Variants in SLC11A1 observed in about 807,000 individuals in gnomAD.
The protein encoded by SLC11A1 is natural resistance-associated macrophage protein 1.
SLC11A1 carries 59 observed loss-of-function variants against 63.2 expected under a neutral mutation model. The observed-to-expected ratio is 0.93, with a 90% confidence interval of 0.76 to 1.16. The LOEUF (loss-of-function observed/expected upper bound fraction) is 1.16, where lower values mean the gene tolerates loss of function less well. Among genes scored for constraint, SLC11A1 ranks in the 50% most tolerant of loss-of-function variants. The probability of loss-of-function intolerance (pLI) is 0.00; values close to 1 mark genes in which losing one functional copy is unlikely to be tolerated. For synonymous variants in SLC11A1, 305 were observed against 307.8 expected (o/e 0.99, Z 0.09); for missense variants, 688 against 730.7 (o/e 0.94, Z 0.67).
chr2:218,391,541 C>T (rs866698528), intron 11 of SLC11A1, 46 bp downstream of exon 11: 2 of 1,543,058 alleles, frequency 1.3e-6, no homozygotes, highest in South Asian at 1.2e-5. Context: ...CCAAGGACAG[C>T]AGGCACACTA....
intron 4 of SLC11A1, 59 bp from the exon 5 acceptor site, chr2:218,386,576 C>A: frequency 8.2e-7 from 1 of 1,216,858 alleles, no homozygotes; most frequent in Non-Finnish European, 1.2e-6. Flanking sequence ...CAAATGTAGT[C>A]TGAGACGACA....
chr2:218,394,813 G>A, intron 14 of SLC11A1, 28 bp downstream of exon 14: 1 of 1,610,184 alleles, frequency 6.2e-7, no homozygotes, highest in South Asian at 1.1e-5. Context: ...GATGCCTTGG[G>A]AATGGATGAG....
At position 218,384,149 on chromosome 2, in the gene SLC11A1, G is replaced by A; in HGVS notation, c.151-94G>A. The A allele has an allele frequency of 1.5e-6, 2 of 1,368,404 alleles. No homozygotes were observed. Among genetic ancestry groups the A allele is most frequent in the Non-Finnish European group, 2.0e-6 (2 of 1,022,384 alleles). 84.8% of individuals were successfully genotyped at this position (1,368,404 alleles called of 1,614,324 possible). On this transcript the variant is annotated intron_variant, in intron 2 of 14. Coordinates refer to ENST00000233202, the MANE Select transcript of SLC11A1 (RefSeq NM_000578.4). The surrounding 1 kb of genome is among the most constrained non-coding windows in gnomAD (Gnocchi z 4.0). ...ATGGAGGGCAGGGCTGGGCTGATGA[G>A]CCTGTTGGGGCTCCTCTAGGGGATG...
rs1465204839 is a variant in SLC11A1, at chr2:218,395,082, C to T, written c.*47C>T. The T allele has an allele frequency of 4.9e-6, 7 of 1,431,084 alleles. No homozygotes were observed. The East Asian group carries it at 1.2e-4, about 25-fold the overall frequency. The allele number at this position is 1,431,084 out of a possible 1,614,324, so 88.6% of individuals were successfully genotyped here. ...GGAGTGGCATGTATGACGTGACTGGCCTGCTGGATGTGGAGGGGGCGCGTG... is the reference window on the plus strand; with the variant it reads ...GGAGTGGCATGTATGACGTGACTGGTCTGCTGGATGTGGAGGGGGCGCGTG... On this transcript the variant is annotated 3_prime_UTR_variant, in exon 15 of 15. Coordinates refer to ENST00000233202, the MANE Select transcript of SLC11A1 (RefSeq NM_000578.4).
chr2:218,394,539 C>A, intron 13 of SLC11A1, 93 bp from the exon 14 acceptor site: 1 of 1,406,668 alleles, frequency 7.1e-7, no homozygotes, highest in Non-Finnish European at 9.8e-7. Context: ...AGTGTATCCC[C>A]ACCCCCAGTG....
At position 218,384,647 on chromosome 2, in the gene SLC11A1, C is replaced by G. The variant is rs971196894; in HGVS notation, c.273+282C>G. ...ACTCAGTCTCACTCGGTCACCCAGG[C>G]TGGAGTGCAGTGGCACAATCTCGGC... On this transcript the variant is annotated intron_variant, in intron 3 of 14. Transcript: ENST00000233202. The surrounding 1 kb of genome is among the most constrained non-coding windows in gnomAD (Gnocchi z 4.0). 1.9e-5 allele frequency: 3 copies of G among 155,414 alleles called. No homozygotes were observed. The highest frequency in any genetic ancestry group is 7.2e-5 in the African/African-American group (3 of 41,462). 9.6% of individuals were successfully genotyped at this position (155,414 alleles called of 1,614,324 possible). A position where few individuals can be genotyped will look rare whatever the true frequency, so the allele number is the denominator to read the frequency against.
rs778352764 is a variant in SLC11A1, at chr2:218,387,629, T to A, written c.636T>A (p.Tyr212Ter). The change falls in exon 7 of 15, where the codon TAT becomes TAA. Residue 212 changes from tyrosine (Y) to a stop codon, truncating the protein, a stop_gained. Transcript: ENST00000233202. LOFTEE classifies it high-confidence loss of function. ...LITIMALTFG[Y>*]EYVVARPEQG... is the part of the protein sequence containing the mutation. ...CCATTATGGCCTTGACCTTTGGCTA[T>A]GAGGTAGGAAGCCAGTGCTGCAACC... The A allele has an allele frequency of 6.2e-7, 1 of 1,614,022 alleles. No individual in the cohort carries two copies. Among genetic ancestry groups the A allele is most frequent in the African/African-American group, 1.3e-5 (1 of 74,942 alleles).
At position 218,382,304 on chromosome 2, in the gene SLC11A1, G is replaced by T; in HGVS notation, c.-65G>T. The T allele has an allele frequency of 1.3e-6, 2 of 1,596,240 alleles. No individual in the cohort carries two copies. The highest frequency in any genetic ancestry group is 1.7e-5 in the Admixed American group (1 of 58,460). On this transcript the variant is annotated 5_prime_UTR_variant, in exon 1 of 15. Coordinates refer to ENST00000233202, the MANE Select transcript of SLC11A1 (RefSeq NM_000578.4). ...ACTTGCACCAGTGCCCAGAGAGGGG[G>T]TGCAGGCTGAGGAGCTGCCCAGAGC...
At chr2:218,389,408 C>T (rs544517001) in intron 8 of SLC11A1, among the ~76,000 whole-genome samples, 15 of 151,864 alleles carry the variant, frequency 9.9e-5, no homozygotes, top group Admixed American at 7.9e-4. Flanking sequence ...TAAAAATTAG[C>T]GGGTTGTAGT....
chr2:218,391,674 G>A, intron 11 of SLC11A1, 179 bp downstream of exon 11: 2 of 793,324 alleles, frequency 2.5e-6, no homozygotes, highest in Non-Finnish European at 3.8e-6. Flanking sequence ...GCCCAGGCTG[G>A]AGTGCAGTGG....
chr2:218,394,230 C>A, intron 13 of SLC11A1, 37 bp downstream of exon 13: 1 of 1,589,684 alleles, frequency 6.3e-7, no homozygotes, highest in Non-Finnish European at 8.6e-7. Flanking sequence ...GATTGCATCA[C>A]CACATTTCAT....
intron 3 of SLC11A1, 60 bp from the exon 4 acceptor site, chr2:218,385,087 G>A: frequency 6.2e-7 from 1 of 1,605,854 alleles, no homozygotes. Flanking sequence ...GGTACCACGA[G>A]CTCAGGGGCT....
chr2:218,396,533 G>C lies in SLC11A1; in HGVS notation c.*1498G>C, dbSNP rs1290970032. On this transcript the variant is annotated 3_prime_UTR_variant, in exon 15 of 15. Transcript: ENST00000233202. Reference sequence around the variant, plus strand: ...CGCTCAGGTCCGGACGCTTGTTTATGAGAAGAATTTCCTCTTTCTTAAAAG... The same window carrying C: ...CGCTCAGGTCCGGACGCTTGTTTATCAGAAGAATTTCCTCTTTCTTAAAAG... 1 of 152,418 alleles carries C rather than the reference G, an allele frequency of 6.6e-6. No homozygotes were observed. The highest frequency in any genetic ancestry group is 1.5e-5 in the Non-Finnish European group (1 of 68,078). 9.4% of individuals were successfully genotyped at this position (152,418 alleles called of 1,614,324 possible).
chr2:218,395,252 A>T lies in SLC11A1; in HGVS notation c.*217A>T. 1 of 568,410 alleles carries T rather than the reference A, an allele frequency of 1.8e-6. No homozygotes were observed. The highest frequency in any genetic ancestry group is 2.9e-5 in the East Asian group (1 of 34,676). 35.2% of individuals were successfully genotyped at this position (568,410 alleles called of 1,614,324 possible). On this transcript the variant is annotated 3_prime_UTR_variant, in exon 15 of 15. Transcript: ENST00000233202. ...AAATGGAGACACCACCACCCTTGCC[A>T]TGGAGGTTAAGCACTTTAACACAGT...
In SLC11A1 at chr2:218,387,881, C is replaced by A; in HGVS notation, c.721C>A (p.Leu241Met). 1 of 1,604,092 alleles carries A rather than the reference C, an allele frequency of 6.2e-7. No homozygotes were observed. ...PSCPGCGHPE[L>M]LQAVGIVGAI... ...GTGCCCGGGCTGCGGCCACCCCGAGCTGCTGCAGGCGGTGGGCATTGTTGG... is the reference window on the plus strand; with the variant it reads ...GTGCCCGGGCTGCGGCCACCCCGAGATGCTGCAGGCGGTGGGCATTGTTGG... The change falls in exon 8 of 15, where the codon CTG (leucine) becomes ATG (methionine). Residue 241 changes from leucine (L) to methionine (M), a missense_variant. Transcript: ENST00000233202.
At chr2:218,390,060 A>G in intron 9 of SLC11A1, 32 bp downstream of exon 9, 1 of 1,592,804 alleles carries the variant, frequency 6.3e-7, no homozygotes, top group Non-Finnish European at 8.6e-7. Flanking sequence ...ACCTGAGGCC[A>G]CACACGTACT....
chr2:218,387,472 G>T lies in SLC11A1; in HGVS notation c.572-93G>T, dbSNP rs979066429. 5 of 1,312,154 alleles carry T rather than the reference G, an allele frequency of 3.8e-6. No homozygotes were observed. In the African/African-American group the frequency reaches 4.4e-5, roughly 12 times the overall value. 81.3% of individuals were successfully genotyped at this position (1,312,154 alleles called of 1,614,324 possible). A position where few individuals can be genotyped will look rare whatever the true frequency, so the allele number is the denominator to read the frequency against. Reference sequence around the variant, plus strand: ...ACATATGTTAAGCACTTGGCACTGTGCCTAGAAGCGCTCGTAGTATTAGCC... The same window carrying T: ...ACATATGTTAAGCACTTGGCACTGTTCCTAGAAGCGCTCGTAGTATTAGCC... On this transcript the variant is annotated intron_variant, in intron 6 of 14. Coordinates refer to ENST00000233202, the MANE Select transcript of SLC11A1 (RefSeq NM_000578.4).
In SLC11A1 at chr2:218,387,841, C is replaced by A; in HGVS notation, c.681C>A (p.Gly227=). The change falls in exon 8 of 15, where the codon GGC becomes GGA. Residue 227 remains glycine, a synonymous_variant. Transcript: ENST00000233202. ...ARPEQGALLR[G]LFLPSCPGCG... ...CTGAGCAGGGAGCGCTTCTTCGGGG[C>A]CTGTTCCTGCCCTCGTGCCCGGGCT... 6.2e-7 allele frequency: 1 copy of A among 1,602,704 alleles called. No individual in the cohort carries two copies. Among genetic ancestry groups the A allele is most frequent in the Admixed American group, 1.8e-5 (1 of 57,038 alleles).
Position 218,384,220 on chromosome 2 carries a change from C to G in SLC11A1, c.151-23C>G, listed in dbSNP as rs1469505691. ...TCCCTATACCCAGGACCCCCTCACT[C>G]TACTCCTCCCACCCCCCAACAGGGC... is the stretch of plus-strand genomic sequence containing the variant. On this transcript the variant is annotated intron_variant, in intron 2 of 14. Transcript: ENST00000233202. This position sits in a 1 kb window ranked among gnomAD's most constrained non-coding sequence, Gnocchi z 4.0. 13 of 1,577,484 alleles carry G rather than the reference C, an allele frequency of 8.2e-6. No homozygotes were observed. The highest frequency in any genetic ancestry group is 1.1e-5 in the Non-Finnish European group (13 of 1,154,954).
Sources: allele counts gnomAD v4.1 joint callset (sites outside exome capture counted in the v4.1 genomes callset), GRCh38; gene constraint gnomAD v4.1.1; non-coding constraint Gnocchi (gnomAD v3.1); transcripts MANE v1.5; gene names NCBI Gene and HGNC (gene_info 2026-07-23, HGNC 2026-07-21).